The following TMEM8B variants were observed in gnomAD, a reference collection of about 807,000 sequenced individuals.
The protein encoded by TMEM8B is transmembrane protein 8B.
TMEM8B carries 29 observed loss-of-function variants against 49.3 expected under a neutral mutation model. The observed-to-expected ratio is 0.59, with a 90% CI of 0.44 to 0.80. The LOEUF (loss-of-function observed/expected upper bound fraction) is 0.80. Ranked by LOEUF, TMEM8B falls within the 30% of genes least tolerant of loss-of-function variation. The probability of loss-of-function intolerance (pLI) is 0.00; values close to 1 mark genes in which losing one functional copy is unlikely to be tolerated. For synonymous variants in TMEM8B, 264 were observed against 272.8 expected (o/e 0.97, Z 0.32); for missense variants, 575 against 658.5 (o/e 0.87, Z 1.39).
rs999025020 is a variant in TMEM8B at position 35,864,715 on chromosome 9, A to G, written c.*10875A>G. 2 of 152,230 alleles carry G rather than the reference A, an allele frequency of 1.3e-5. No homozygotes were observed. Among genetic ancestry groups the G allele is most frequent in the Non-Finnish European group, 2.9e-5 (2 of 68,046 alleles). The allele number at this position is 152,230 out of a possible 1,614,324, so 9.4% of individuals were successfully genotyped here. The stretch of plus-strand genomic sequence containing the variant: ...CCCCAGCAAATATTTTGGCTTTTAA[A>G]TGTTTTAAATGATTTCTTGAGAATA... On this transcript the variant is annotated 3_prime_UTR_variant, in exon 13 of 13. Coordinates refer to ENST00000643932, the MANE Select transcript of TMEM8B (RefSeq NM_001042590.4).
rs73444842 is a variant in TMEM8B at position 35,831,470 on chromosome 9, C to T, written c.508+1515C>T. 8.5e-3 allele frequency among the ~76,000 whole-genome samples: 1,293 copies of T among 152,350 alleles called. 17 individuals are homozygous for T. The highest frequency in any genetic ancestry group is 0.03 in the African/African-American group (1,231 of 41,582). On this transcript the variant is annotated intron_variant, in intron 1 of 12. Transcript: ENST00000643932. ...CGAATATAAGTTATCCATCCATCCC[C>T]AGCCAGTGCCTTTGAAGGAAGGAGC...
intron 6 of TMEM8B, among the ~76,000 whole-genome samples, chr9:35,844,020 G>T (rs968997234): frequency 1.3e-5 from 2 of 152,174 alleles, no homozygotes; most frequent in African/African-American, 4.8e-5. Context: ...TGCCTCGGCC[G>T]CCCAACATGT....
Position 35,830,948 on chromosome 9 carries a change from T to C in TMEM8B, c.508+993T>C, listed in dbSNP as rs950277420. Among the ~76,000 whole-genome samples, 3 of 152,328 alleles carry C rather than the reference T, an allele frequency of 2.0e-5. No individual in the cohort carries two copies. In the South Asian group the frequency reaches 6.2e-4, roughly 32 times the overall value. On this transcript the variant is annotated intron_variant, in intron 1 of 12. Coordinates refer to ENST00000643932, the MANE Select transcript of TMEM8B (RefSeq NM_001042590.4). ...CATCATGGAGTGACTGTAGTCTTCA[T>C]GGCCCAAGTCTGTAGCCACCTCTGG...
In TMEM8B at chr9:35,864,377, G is replaced by T. The variant is rs1315023850; in HGVS notation, c.*10537G>T. On this transcript the variant is annotated 3_prime_UTR_variant, in exon 13 of 13. Transcript: ENST00000643932. ...AGAAAAGATAGGGGCATAACAAGAAGAAAGCTTCGGTTACAATTTCCCCGA... is the reference window on the plus strand; with the variant it reads ...AGAAAAGATAGGGGCATAACAAGAATAAAGCTTCGGTTACAATTTCCCCGA... The T allele has an allele frequency of 6.6e-6, 1 of 152,190 alleles. No homozygotes were observed. The highest frequency in any genetic ancestry group is 1.5e-5 in the Non-Finnish European group (1 of 68,028). 9.4% of individuals were successfully genotyped at this position (152,190 alleles called of 1,614,324 possible). A position where few individuals can be genotyped will look rare whatever the true frequency, so the allele number is the denominator to read the frequency against.
Position 35,841,885 on chromosome 9 carries a change from C to G in TMEM8B, c.1309+91C>G. ...TGTGTTCAGTGGCCCTCTGCCATATCCCTACAACCTCCCCTCCCCATCCCA... is the reference window on the plus strand; with the variant it reads ...TGTGTTCAGTGGCCCTCTGCCATATGCCTACAACCTCCCCTCCCCATCCCA... On this transcript the variant is annotated intron_variant, in intron 5 of 12. Transcript: ENST00000643932. This position sits in a 1 kb window ranked among gnomAD's most constrained non-coding sequence, Gnocchi z 5.9. 1 of 413,700 alleles carries G rather than the reference C, an allele frequency of 2.4e-6. No homozygotes were observed. 25.6% of individuals were successfully genotyped at this position (413,700 alleles called of 1,614,324 possible). A position where few individuals can be genotyped will look rare whatever the true frequency, so the allele number is the denominator to read the frequency against.
At chr9:35,848,683 T>TC (rs1202308543) in intron 10 of TMEM8B, among the ~76,000 whole-genome samples, 1 of 150,080 alleles carries the variant, frequency 6.7e-6, no homozygotes, top group Non-Finnish European at 1.5e-5. Context: ...TTCTTTTTTT[T>TC]TTTTTTTTTG....
Position 35,842,787 on chromosome 9 carries a change from G to A in TMEM8B, c.1635+70G>A, listed in dbSNP as rs374210759. On this transcript the variant is annotated intron_variant, in intron 6 of 12. Transcript: ENST00000643932. The surrounding 1 kb of genome is among the most constrained non-coding windows in gnomAD (Gnocchi z 5.6). Reference sequence around the variant, plus strand: ...GAAGGGGAAGGTGTCAGGGGTGTTGGGGTGTTTACCTCCTCCAGGAAGCCT... The same window carrying A: ...GAAGGGGAAGGTGTCAGGGGTGTTGAGGTGTTTACCTCCTCCAGGAAGCCT... The A allele has an allele frequency of 8.8e-6, 13 of 1,485,082 alleles. No homozygotes were observed. The African/African-American group carries it at 1.5e-4, about 18-fold the overall frequency. 92.0% of individuals were successfully genotyped at this position (1,485,082 alleles called of 1,614,324 possible).
intron 10 of TMEM8B, among the ~76,000 whole-genome samples, chr9:35,849,350 A>G (rs1018021426): frequency 6.6e-6 from 1 of 152,250 alleles, no homozygotes; most frequent in African/African-American, 2.4e-5. Context: ...ATATGTTTTG[A>G]AAAAACAAAA....
At chr9:35,832,716 T>C (rs145030103) in intron 1 of TMEM8B, among the ~76,000 whole-genome samples, 3 of 152,256 alleles carry the variant, frequency 2.0e-5, no homozygotes, top group Admixed American at 6.5e-5. Flanking sequence ...TGGTACCAGC[T>C]TTGAGGAGGA....
At chr9:35,838,310 C>T (rs1160514057) in intron 3 of TMEM8B, among the ~76,000 whole-genome samples, 1 of 151,996 alleles carries the variant, frequency 6.6e-6, no homozygotes, top group South Asian at 2.1e-4. Context: ...TTAACTAGTC[C>T]CCTATATTAC....
At chr9:35,850,675 G>A (rs1456547026) in intron 10 of TMEM8B, among the ~76,000 whole-genome samples, 2 of 152,158 alleles carry the variant, frequency 1.3e-5, no homozygotes, top group Non-Finnish European at 2.9e-5. Context: ...ATTCCTAGGA[G>A]AAAGTCAGCC....
Position 35,858,287 on chromosome 9 carries a change from C to A in TMEM8B, c.*4447C>A, listed in dbSNP as rs1209500326. On this transcript the variant is annotated 3_prime_UTR_variant, in exon 13 of 13. Coordinates refer to ENST00000643932, the MANE Select transcript of TMEM8B (RefSeq NM_001042590.4). ...TGTGTTTTTAGTAGAGGCAGGGTTT[C>A]ATCACATTTCCCGGGCTGGTCTCGA... 6.6e-6 allele frequency: 1 copy of A among 151,836 alleles called. No homozygotes were observed. Among genetic ancestry groups the A allele is most frequent in the Non-Finnish European group, 1.5e-5 (1 of 67,978 alleles). 9.4% of individuals were successfully genotyped at this position (151,836 alleles called of 1,614,324 possible). A position where few individuals can be genotyped will look rare whatever the true frequency, so the allele number is the denominator to read the frequency against.
At chr9:35,830,005 G>A (rs1484874753) in intron 1 of TMEM8B, 50 bp downstream of exon 1, 6 of 414,686 alleles carry the variant, frequency 1.4e-5, no homozygotes, top group Non-Finnish European at 1.8e-5. Flanking sequence ...TTCCGGCAGG[G>A]AGGGGTGGGC....
At chr9:35,830,827 T>C (rs1393666902) in intron 1 of TMEM8B, among the ~76,000 whole-genome samples, 1 of 152,186 alleles carries the variant, frequency 6.6e-6, no homozygotes, top group Admixed American at 6.5e-5. Context: ...GGGAAGTGAC[T>C]TGGACAGAAG....
intron 1 of TMEM8B, among the ~76,000 whole-genome samples, chr9:35,830,956 G>A (rs1164851851): frequency 1.3e-5 from 2 of 152,224 alleles, no homozygotes; most frequent in Non-Finnish European, 2.9e-5. Flanking sequence ...CATGGCCCAA[G>A]TCTGTAGCCA....
At chr9:35,837,878 C>A (rs941065771) in intron 3 of TMEM8B, among the ~76,000 whole-genome samples, 2 of 152,084 alleles carry the variant, frequency 1.3e-5, no homozygotes, top group African/African-American at 4.8e-5. Flanking sequence ...GGGGGGCTGG[C>A]CTTTGGGTTG....
Position 35,853,350 on chromosome 9 carries a change from T to C in TMEM8B, c.2439+93T>C. ...GTCCCCAGTTTAAGGTGGGCTTGGC[T>C]CTGTCGTCATCACCTGCTGCTGGCA... On this transcript the variant is annotated intron_variant, in intron 12 of 12. Coordinates refer to ENST00000643932, the MANE Select transcript of TMEM8B (RefSeq NM_001042590.4). The surrounding 1 kb of genome is among the most constrained non-coding windows in gnomAD (Gnocchi z 4.2). 6.9e-7 allele frequency: 1 copy of C among 1,446,994 alleles called. No individual in the cohort carries two copies. Among genetic ancestry groups the C allele is most frequent in the South Asian group, 1.2e-5 (1 of 82,764 alleles). The allele number at this position is 1,446,994 out of a possible 1,614,324, so 89.6% of individuals were successfully genotyped here. A position where few individuals can be genotyped will look rare whatever the true frequency, so the allele number is the denominator to read the frequency against.
intron 6 of TMEM8B, chr9:35,845,466 G>A: frequency 2.0e-6 from 2 of 985,372 alleles, no homozygotes; most frequent in Non-Finnish European, 2.4e-6. Flanking sequence ...TTTAATCCCA[G>A]CCAGGTTGCT....
chr9:35,846,944 T>G lies in TMEM8B; in HGVS notation c.2124T>G (p.Ser708Arg). 6.2e-7 allele frequency: 1 copy of G among 1,614,052 alleles called. No homozygotes were observed. Among genetic ancestry groups the G allele is most frequent in the Non-Finnish European group, 8.5e-7 (1 of 1,180,010 alleles). ...CACCTGTGGTCCTGGCCATTCGGAG[T>G]CGATATGTGCTGGAAGCTGCAGTCT... ...FLPPVVLAIR[S>R]RYVLEAAVYT... The change falls in exon 10 of 13, where the codon AGT becomes AGG. Residue 708 changes from serine to arginine, a missense_variant. By Grantham distance (110) the Ser-to-Arg change is moderately radical. Transcript: ENST00000643932.
Sources: allele counts gnomAD v4.1 joint callset (sites outside exome capture counted in the v4.1 genomes callset), GRCh38; gene constraint gnomAD v4.1.1; non-coding constraint Gnocchi (gnomAD v3.1); transcripts MANE v1.5; gene names NCBI Gene and HGNC (gene_info 2026-07-23, HGNC 2026-07-21).